Variants in NUP214 observed in about 807,000 individuals in gnomAD.
NUP214 encodes nucleoporin 214, also known as nuclear pore complex protein Nup214.
In NUP214, 79 loss-of-function variants were observed where a neutral mutation model predicts 196.2. That is an observed-to-expected ratio of 0.40 (90% CI 0.34 to 0.49). The LOEUF is 0.49. NUP214 is among the 20% of genes least tolerant of loss of function. NUP214 has a pLI of 0.58. For missense variants in NUP214, 2,468 were observed against 2,539.0 expected (o/e 0.97, Z 0.60); for synonymous variants, 1,020 against 990.5 (o/e 1.03, Z -0.56).
At chr9:131,211,741 C>G (rs1415742487) in intron 30 of NUP214, among the ~76,000 whole-genome samples, 1 of 152,196 alleles carries the variant, frequency 6.6e-6, no homozygotes, top group Non-Finnish European at 1.5e-5. Flanking sequence ...TTGTGATTTC[C>G]TATGCCTGTC....
rs1833945042 is a variant in NUP214, at chr9:131,201,737, C to T, written c.5592+20C>T. 6.3e-7 allele frequency: 1 copy of T among 1,596,318 alleles called. No individual in the cohort carries two copies. ...GGCCAGGTAAATATGCATTTGTCTT[C>T]ATTCACGTCAACATGTATCAAACCC... is the stretch of plus-strand genomic sequence containing the variant. On this transcript the variant is annotated intron_variant, in intron 30 of 35. Transcript: ENST00000359428.
At position 131,144,584 on chromosome 9, in the gene NUP214, C is replaced by G; in HGVS notation, c.1599C>G (p.Thr533=). 2 of 1,614,182 alleles carry G rather than the reference C, an allele frequency of 1.2e-6. No individual in the cohort carries two copies. Among genetic ancestry groups the G allele is most frequent in the Non-Finnish European group, 1.7e-6 (2 of 1,180,038 alleles). ...VPPSKASLAP[T]PAASPVAPSA... is the part of the protein sequence containing the mutation. ...CTTCTAAAGCCTCCCTAGCCCCCAC[C>G]CCTGCAGCGTCTCCTGTGGCTCCAT... The change falls in exon 12 of 36, where the codon ACC becomes ACG. Residue 533 remains threonine (T), a synonymous_variant. Coordinates refer to ENST00000359428, the MANE Select transcript of NUP214 (RefSeq NM_005085.4).
In NUP214 at chr9:131,169,034, G is replaced by T. The variant is rs201102681; in HGVS notation, c.2893+4890G>T. ...TATTCTGCTTACTTTGTTTTTTTTT[G>T]TTTTTTTTTTTTTTTTGGAGACAGA... On this transcript the variant is annotated intron_variant, in intron 21 of 35. Coordinates refer to ENST00000359428, the MANE Select transcript of NUP214 (RefSeq NM_005085.4). Among the ~76,000 whole-genome samples the T allele has an allele frequency of 4.3e-3, 528 of 123,950 alleles. 2 individuals carry two copies. The highest frequency in any genetic ancestry group is 9.1e-3 in the African/African-American group (297 of 32,512). The allele number at this position is 123,950 out of a possible 152,430, so 81.3% of individuals were successfully genotyped here.
intron 30 of NUP214, 100 bp downstream of exon 30, chr9:131,201,817 C>T (rs1833949344): frequency 2.0e-6 from 2 of 990,578 alleles, no homozygotes; most frequent in Admixed American, 3.5e-5. Context: ...CTAAATCCAG[C>T]AAATATAGCC....
chr9:131,217,465 T>G (rs1404975918), intron 31 of NUP214, among the ~76,000 whole-genome samples: 1 of 152,156 alleles, frequency 6.6e-6, no homozygotes, highest in Non-Finnish European at 1.5e-5. Flanking sequence ...GGTCAGGAAC[T>G]CCAAAACACA....
intron 21 of NUP214, among the ~76,000 whole-genome samples, chr9:131,166,550 A>G (rs1832790806): frequency 1.3e-5 from 2 of 152,356 alleles, no homozygotes; most frequent in Non-Finnish European, 1.5e-5. Flanking sequence ...GCTGGGAAGA[A>G]TAACTCAGCA....
chr9:131,129,606 A>G (rs1831466157), intron 4 of NUP214, 129 bp downstream of exon 4: 3 of 857,454 alleles, frequency 3.5e-6, no homozygotes, highest in African/African-American at 1.7e-5. Context: ...GAGGTTAAGG[A>G]TGGAAGGTAT....
chr9:131,147,370 T>C (rs1832115104), intron 13 of NUP214, 120 bp from the exon 14 acceptor site: 3 of 716,110 alleles, frequency 4.2e-6, no homozygotes, highest in Non-Finnish European at 4.8e-6. Context: ...AAATAAATCA[T>C]GAAAGTGGGC....
intron 30 of NUP214, 66 bp downstream of exon 30, chr9:131,201,783 A>G (rs1318748993): frequency 9.0e-6 from 12 of 1,337,836 alleles, no homozygotes; most frequent in Non-Finnish European, 1.3e-5. Context: ...CTTCACTGTA[A>G]TGTAGTCAGT....
At chr9:131,181,626 A>G (rs1833280844) in intron 24 of NUP214, among the ~76,000 whole-genome samples, 1 of 152,166 alleles carries the variant, frequency 6.6e-6, no homozygotes, top group African/African-American at 2.4e-5. Context: ...GGCCAGTTGT[A>G]TCTTTGGAGA....
chr9:131,139,502 C>CT, intron 10 of NUP214, 95 bp downstream of exon 10: 2 of 1,529,314 alleles, frequency 1.3e-6, no homozygotes, highest in South Asian at 2.5e-5. Context: ...AGAGTCTACT[C>CT]TGCTGGGCAC....
At chr9:131,132,996 G>A (rs1831603803) in intron 6 of NUP214, 110 bp from the exon 7 acceptor site, 1 of 822,408 alleles carries the variant, frequency 1.2e-6, no homozygotes, top group Admixed American at 2.2e-5. Context: ...ATGAAATCAG[G>A]GCCTTTGATT....
Position 131,197,520 on chromosome 9 carries a change from A to C in NUP214, c.4026A>C (p.Ala1342=), listed in dbSNP as rs780949832. Residue 1342 remains alanine (A), a synonymous_variant, in exon 29 of 36, where the codon GCA becomes GCC. Coordinates refer to ENST00000359428, the MANE Select transcript of NUP214 (RefSeq NM_005085.4). Reference sequence around the variant, plus strand: ...TTTCAGGACTGCGGGTTGGCCAAGCAGATGATTCTACAAAACCAACCAATA... The same window carrying C: ...TTTCAGGACTGCGGGTTGGCCAAGCCGATGATTCTACAAAACCAACCAATA... ...GSFSGLRVGQ[A]DDSTKPTNKA... is the part of the protein sequence containing the mutation. 10 of 1,614,226 alleles carry C rather than the reference A, an allele frequency of 6.2e-6. No homozygotes were observed. Among genetic ancestry groups the C allele is most frequent in the Non-Finnish European group, 6.8e-6 (8 of 1,180,036 alleles).
At chr9:131,216,373 C>T (rs565724240) in intron 31 of NUP214, among the ~76,000 whole-genome samples, 8 of 150,856 alleles carry the variant, frequency 5.3e-5, no homozygotes, top group South Asian at 4.2e-4. Flanking sequence ...TACAGGTGCC[C>T]GCCACCAAGC....
chr9:131,168,657 T>C (rs888932609), intron 21 of NUP214, among the ~76,000 whole-genome samples: 1 of 152,236 alleles, frequency 6.6e-6, no homozygotes, highest in Non-Finnish European at 1.5e-5. Context: ...ACCCATGATA[T>C]GTACCATGTA....
chr9:131,169,974 A>C (rs1183002915), intron 21 of NUP214, among the ~76,000 whole-genome samples: 1 of 152,182 alleles, frequency 6.6e-6, no homozygotes, highest in African/African-American at 2.4e-5. Flanking sequence ...TAGAGACAGA[A>C]CTAGAATGGT....
chr9:131,182,293 G>A (rs1471929102), intron 24 of NUP214, among the ~76,000 whole-genome samples: 4 of 152,236 alleles, frequency 2.6e-5, no homozygotes, highest in Non-Finnish European at 5.9e-5. Flanking sequence ...CTGCAGACCA[G>A]TACCGGTCTG....
At chr9:131,218,029 T>C (rs192248993) in intron 31 of NUP214, among the ~76,000 whole-genome samples, 1 of 152,354 alleles carries the variant, frequency 6.6e-6, no homozygotes, top group East Asian at 1.9e-4. Flanking sequence ...CATTACTGGC[T>C]GATTCTTCTA....
In NUP214 at chr9:131,192,169, C is replaced by CTTTTTTTTT. The variant is rs66652901; in HGVS notation, c.3575-21_3575-13dup. 8.7e-5 allele frequency: 39 copies of CTTTTTTTTT among 447,480 alleles called. 5 individuals are homozygous for CTTTTTTTTT. Among genetic ancestry groups the CTTTTTTTTT allele is most frequent in the South Asian group, 2.2e-4 (7 of 31,982 alleles). The allele number at this position is 447,480 out of a possible 1,614,324, so 27.7% of individuals were successfully genotyped here. ...AGTGTTTCTGTCTTTTTGTAATATT[C>CTTTTTTTTT]TTTTTTTTTTTTTTTTTTTTTTTTT... On this transcript the variant is annotated intron_variant, in intron 26 of 35. Coordinates refer to ENST00000359428, the MANE Select transcript of NUP214 (RefSeq NM_005085.4).
Sources: allele counts gnomAD v4.1 joint callset (sites outside exome capture counted in the v4.1 genomes callset), GRCh38; gene constraint gnomAD v4.1.1; transcripts MANE v1.5; gene names NCBI Gene and HGNC (gene_info 2026-07-23, HGNC 2026-07-21).